Variants in MCOLN1 observed in about 807,000 individuals in gnomAD.
MCOLN1 encodes mucolipin TRP cation channel 1.
MCOLN1 carries 50 observed loss-of-function variants against 70.3 expected under a neutral mutation model. That is an observed-to-expected ratio of 0.71 (90% CI 0.57 to 0.90). The LOEUF (loss-of-function observed/expected upper bound fraction) is 0.90, where lower values mean the gene tolerates loss of function less well. Among genes scored for constraint, MCOLN1 ranks in the 40% least tolerant of loss-of-function variants. MCOLN1 has a pLI of 0.00. For synonymous variants in MCOLN1, 366 were observed against 341.0 expected (o/e 1.07, Z -0.81); for missense variants, 598 against 803.5 (o/e 0.74, Z 3.09).
rs1236640314 is a variant in MCOLN1 at position 7,526,906 on chromosome 19, T to G, written c.551T>G (p.Ile184Ser). The G allele has an allele frequency of 2.5e-6, 4 of 1,613,600 alleles. No homozygotes were observed. The African/African-American group carries it at 5.4e-5, about 22-fold the overall frequency. ...HVDPANDTFD[I>S]DPMVVTDCIQ... ...GACCCGGCCAACGACACATTTGACA[T>G]TGATCCGATGGTGGTTACTGGTGAG... Residue 184 changes from isoleucine to serine, a missense_variant, in exon 4 of 14, where the codon ATT becomes AGT. Ile to Ser is a moderately radical substitution (Grantham distance 142). Around this residue, in one of 3 missense-constraint regions of MCOLN1, gnomAD observed 461 missense variants for 588.4 expected, o/e 0.78. Transcript: ENST00000264079. The surrounding 1 kb of genome is among the most constrained non-coding windows in gnomAD (Gnocchi z 4.6).
In MCOLN1 at chr19:7,526,555, A is replaced by G; in HGVS notation, c.354A>G (p.Ala118=). ...GYSDGADDTF[A]AYTREQLYQA... is the part of the protein sequence containing the mutation. ...CGGACGGAGCGGATGACACCTTCGC[A>G]GCCTACACGCGGGAGCAGCTGTACC... is the stretch of plus-strand genomic sequence containing the variant. Residue 118 remains alanine, a synonymous_variant, in exon 3 of 14, where the codon GCA becomes GCG. Coordinates refer to ENST00000264079, the MANE Select transcript of MCOLN1 (RefSeq NM_020533.3). The surrounding 1 kb of genome is among the most constrained non-coding windows in gnomAD (Gnocchi z 4.6). The G allele has an allele frequency of 6.2e-7, 1 of 1,614,056 alleles. No individual in the cohort carries two copies. Among genetic ancestry groups the G allele is most frequent in the African/African-American group, 1.3e-5 (1 of 75,044 alleles).
rs776845391 is a variant in MCOLN1 at position 7,525,088 on chromosome 19, C to T, written c.159C>T (p.Cys53=). The change falls in exon 2 of 14, where the codon TGC becomes TGT. Residue 53 remains cysteine (C), a synonymous_variant. Transcript: ENST00000264079. The surrounding 1 kb of genome is among the most constrained non-coding windows in gnomAD (Gnocchi z 4.2). ...RRLKYFFMSP[C]DKFRAKGRKP... ...TCAAATACTTTTTCATGAGTCCCTG[C>T]GACAAGTTTCGAGCCAAGGGCCGCA... 32 of 1,614,032 alleles carry T rather than the reference C, an allele frequency of 2.0e-5. No homozygotes were observed. The highest frequency in any genetic ancestry group is 1.3e-4 in the African/African-American group (10 of 74,934).
chr19:7,529,510 C>CCCCCCCCCCCCCCCGGGG, intron 10 of MCOLN1, 80 bp from the exon 11 acceptor site: 1 of 912,886 alleles, frequency 1.1e-6, no homozygotes, highest in Non-Finnish European at 1.7e-6. Flanking sequence ...GGCCCCGCCC[C>CCCCCCCCCCCCCCCGGGG]TCCCACCCCC....
At chr19:7,529,460 C>A in intron 10 of MCOLN1, 130 bp from the exon 11 acceptor site, 1 of 1,223,156 alleles carries the variant, frequency 8.2e-7, no homozygotes, top group Non-Finnish European at 1.2e-6. Flanking sequence ...CTCTAGGCAC[C>A]CACTGGCTCC....
chr19:7,522,741 C>G lies in MCOLN1; in HGVS notation c.-10C>G. 1 of 1,451,752 alleles carries G rather than the reference C, an allele frequency of 6.9e-7. No homozygotes were observed. Among genetic ancestry groups the G allele is most frequent in the Non-Finnish European group, 9.0e-7 (1 of 1,106,268 alleles). 89.9% of individuals were successfully genotyped at this position (1,451,752 alleles called of 1,614,324 possible). A position where few individuals can be genotyped will look rare whatever the true frequency, so the allele number is the denominator to read the frequency against. On this transcript the variant is annotated 5_prime_UTR_variant, in exon 1 of 14. Transcript: ENST00000264079. ...CCGTACCCGCCTGCGTCCCGCGCTC[C>G]CGCCCCAGCATGACAGCCCCGGCGG...
At chr19:7,527,440 AGAAG>A in intron 4 of MCOLN1, 76 bp from the exon 5 acceptor site, 1 of 780,468 alleles carries the variant, frequency 1.3e-6, no homozygotes, top group South Asian at 1.3e-5. Flanking sequence ...AGCACAGGGA[AGAAG>A]GCCACTGGGG....
chr19:7,524,241 G>T lies in MCOLN1; in HGVS notation c.32-720G>T, dbSNP rs891284939. On this transcript the variant is annotated intron_variant, in intron 1 of 13. Coordinates refer to ENST00000264079, the MANE Select transcript of MCOLN1 (RefSeq NM_020533.3). The surrounding 1 kb of genome is among the most constrained non-coding windows in gnomAD (Gnocchi z 4.1). ...CAACCTACTGTAAAGTGGCAGGTCT[G>T]GGATTTGATGCTAGGGCTGCATGAT... Among the ~76,000 whole-genome samples, 2 of 152,152 alleles carry T rather than the reference G, an allele frequency of 1.3e-5. No individual in the cohort carries two copies. Among genetic ancestry groups the T allele is most frequent in the African/African-American group, 2.4e-5 (1 of 41,430 alleles).
At chr19:7,529,519 C>CA in intron 10 of MCOLN1, 71 bp from the exon 11 acceptor site, 7 of 1,372,556 alleles carry the variant, frequency 5.1e-6, no homozygotes, top group African/African-American at 1.4e-5. Flanking sequence ...CCTCCCACCC[C>CA]CATCTGGGTG....
chr19:7,529,676 C>T lies in MCOLN1; in HGVS notation c.1323C>T (p.Phe441=). 2.5e-6 allele frequency: 4 copies of T among 1,614,208 alleles called. No homozygotes were observed. The highest frequency in any genetic ancestry group is 1.1e-5 in the South Asian group (1 of 91,090). Residue 441 remains phenylalanine (F), a synonymous_variant, in exon 11 of 14, where the codon TTC becomes TTT. Coordinates refer to ENST00000264079, the MANE Select transcript of MCOLN1 (RefSeq NM_020533.3). ...CTGTCATCTACCTGGGCTACTGCTT[C>T]TGTGGCTGGATCGTGCTGGGGCCCT... ...CVAVIYLGYC[F]CGWIVLGPYH...
intron 5 of MCOLN1, 73 bp downstream of exon 5, chr19:7,527,701 A>G (rs776933291): frequency 8.5e-7 from 1 of 1,177,782 alleles, no homozygotes; most frequent in East Asian, 2.3e-5. Context: ...CCCAGCAACT[A>G]CTTCCCTAAG....
Position 7,528,923 on chromosome 19 carries a change from G to A in MCOLN1, c.1087G>A (p.Val363Met). Residue 363 changes from valine to methionine, a missense_variant, in exon 9 of 14, where the codon GTG becomes ATG. By Grantham distance (21) the Val-to-Met change is conservative. Around this residue, in one of 3 missense-constraint regions of MCOLN1, gnomAD observed 461 missense variants for 588.4 expected, o/e 0.78. Coordinates refer to ENST00000264079, the MANE Select transcript of MCOLN1 (RefSeq NM_020533.3). This position sits in a 1 kb window ranked among gnomAD's most constrained non-coding sequence, Gnocchi z 4.2. ...GWYILLVTSDVLTISGTIMKI... is the reference protein window; with the variant it reads ...GWYILLVTSDMLTISGTIMKI... The stretch of plus-strand genomic sequence containing the variant: ...GTACATCCTGCTCGTCACCAGCGAT[G>A]TGCTCACCATCTCGGGCACCATCAT... 6.2e-7 allele frequency: 1 copy of A among 1,614,188 alleles called. No individual in the cohort carries two copies. Among genetic ancestry groups the A allele is most frequent in the Non-Finnish European group, 8.5e-7 (1 of 1,180,030 alleles).
At position 7,528,809 on chromosome 19, in the gene MCOLN1, T is replaced by C. The variant is rs1276009301; in HGVS notation, c.985-12T>C. On this transcript the variant is annotated splice_polypyrimidine_tract_variant and intron_variant, in intron 8 of 13. Transcript: ENST00000264079. The surrounding 1 kb of genome is among the most constrained non-coding windows in gnomAD (Gnocchi z 4.2). ...TGCCTGGTCAGGCCCTCACCCCGCC[T>C]GCCTTCTGCAGGAGTTTGTGGGGTT... 1 of 1,614,214 alleles carries C rather than the reference T, an allele frequency of 6.2e-7. No individual in the cohort carries two copies. The highest frequency in any genetic ancestry group is 8.5e-7 in the Non-Finnish European group (1 of 1,180,012).
chr19:7,532,394 T>C (rs1197889652), intron 12 of MCOLN1, among the ~76,000 whole-genome samples: 17 of 152,036 alleles, frequency 1.1e-4, no homozygotes, highest in Non-Finnish European at 2.4e-4. Flanking sequence ...TCTCTAGCCC[T>C]ATGCAGCTAT....
Position 7,527,557 on chromosome 19 carries a change from GC to G in MCOLN1, c.615del (p.Ser206AlafsTer32). On this transcript the variant is annotated frameshift_variant, in exon 5 of 14. Transcript: ENST00000264079. LOFTEE classifies it high-confidence loss of function. Reference protein sequence around the residue: ...QVDPPERPPPPPSDDLTLLES... With the variant: ...QVDPPERPPPXPSDDLTLLES... Reference sequence around the variant, plus strand: ...TGGATCCCCCCGAGCGGCCCCCTCCGCCCCCCAGCGACGATCTCACCCTCTT... The same window carrying G: ...TGGATCCCCCCGAGCGGCCCCCTCCGCCCCCAGCGACGATCTCACCCTCTT... 1 of 1,605,906 alleles carries G rather than the reference GC, an allele frequency of 6.2e-7. No individual in the cohort carries two copies. Among genetic ancestry groups the G allele is most frequent in the Non-Finnish European group, 8.5e-7 (1 of 1,172,712 alleles).
In MCOLN1 at chr19:7,528,172, C is replaced by CA. The variant is rs2022599757; in HGVS notation, c.795dup (p.Ala266SerfsTer20). 6.2e-7 allele frequency: 1 copy of CA among 1,614,006 alleles called. No homozygotes were observed. The highest frequency in any genetic ancestry group is 1.3e-5 in the African/African-American group (1 of 74,914). On this transcript the variant is annotated frameshift_variant, in exon 7 of 14. Coordinates refer to ENST00000264079, the MANE Select transcript of MCOLN1 (RefSeq NM_020533.3). LOFTEE classifies it high-confidence loss of function. The surrounding 1 kb of genome is among the most constrained non-coding windows in gnomAD (Gnocchi z 4.2). ...GGCCCCCACAGATCACGTTTGACAA[C>CA]AAAGCACACAGTGGGCGGATCCCCA...
rs2022525428 is a variant in MCOLN1, at chr19:7,523,564, A to G, written c.31+783A>G. Among the ~76,000 whole-genome samples, 4 of 152,328 alleles carry G rather than the reference A, an allele frequency of 2.6e-5. No homozygotes were observed. In the South Asian group the frequency reaches 8.3e-4, roughly 32 times the overall value. ...CAAGGGAGGTTCTGACAGTGCACACATTTATCCTGACTGCTTTGCTAGGCA... is the reference window on the plus strand; with the variant it reads ...CAAGGGAGGTTCTGACAGTGCACACGTTTATCCTGACTGCTTTGCTAGGCA... On this transcript the variant is annotated intron_variant, in intron 1 of 13. Coordinates refer to ENST00000264079, the MANE Select transcript of MCOLN1 (RefSeq NM_020533.3).
rs1448208297 is a variant in MCOLN1, at chr19:7,522,642, G to C, written c.-109G>C. 3 of 1,194,022 alleles carry C rather than the reference G, an allele frequency of 2.5e-6. No individual in the cohort carries two copies. Among genetic ancestry groups the C allele is most frequent in the Non-Finnish European group, 3.4e-6 (3 of 889,168 alleles). The allele number at this position is 1,194,022 out of a possible 1,614,324, so 74.0% of individuals were successfully genotyped here. A position where few individuals can be genotyped will look rare whatever the true frequency, so the allele number is the denominator to read the frequency against. ...CCGAGGCACAGATCAGCTGATGCCG[G>C]AGGGTTTGAAGCCGCGCCGCGAGGG... On this transcript the variant is annotated 5_prime_UTR_variant, in exon 1 of 14. Coordinates refer to ENST00000264079, the MANE Select transcript of MCOLN1 (RefSeq NM_020533.3).
In MCOLN1 at chr19:7,529,527, G is replaced by T. The variant is rs1156403687; in HGVS notation, c.1237-63G>T. The T allele has an allele frequency of 2.7e-6, 4 of 1,506,524 alleles. 1 individual carries two copies. The Admixed American group carries it at 5.3e-5, about 20-fold the overall frequency. 93.3% of individuals were successfully genotyped at this position (1,506,524 alleles called of 1,614,324 possible). On this transcript the variant is annotated intron_variant, in intron 10 of 13. Coordinates refer to ENST00000264079, the MANE Select transcript of MCOLN1 (RefSeq NM_020533.3). ...CCCCGCCCCTCCCACCCCCATCTGG[G>T]TGCCCACAGCTGACCTGAGTTGTGG...
rs371667920 is a variant in MCOLN1, at chr19:7,527,889, C to T, written c.706C>T (p.Arg236Trp). Residue 236 changes from arginine (R) to tryptophan (W), a missense_variant, in exon 6 of 14, where the codon CGG becomes TGG. Arg to Trp is a moderately radical substitution (Grantham distance 101). Around this residue, in one of 3 missense-constraint regions of MCOLN1, gnomAD observed 461 missense variants for 588.4 expected, o/e 0.78. Coordinates refer to ENST00000264079, the MANE Select transcript of MCOLN1 (RefSeq NM_020533.3). Reference sequence around the variant, plus strand: ...GCTGGTCAATGTCACCATCCACTTCCGGCTGAAGACCATTAACCTCCAGAG... The same window carrying T: ...GCTGGTCAATGTCACCATCCACTTCTGGCTGAAGACCATTAACCTCCAGAG... ...HKLVNVTIHF[R>W]LKTINLQSLI... is the part of the protein sequence containing the mutation. 38 of 1,614,006 alleles carry T rather than the reference C, an allele frequency of 2.4e-5. No individual in the cohort carries two copies. Among genetic ancestry groups the T allele is most frequent in the African/African-American group, 1.9e-4 (14 of 74,918 alleles).
Sources: allele counts gnomAD v4.1 joint callset (sites outside exome capture counted in the v4.1 genomes callset), GRCh38; gene constraint gnomAD v4.1.1; regional missense constraint gnomAD v4.1.1; non-coding constraint Gnocchi (gnomAD v3.1); transcripts MANE v1.5; gene names NCBI Gene and HGNC (gene_info 2026-07-23, HGNC 2026-07-21).